FER: variants seen among roughly 807,000 people sequenced by gnomAD.
The protein encoded by FER is tyrosine-protein kinase Fer.
A neutral mutation model predicts 111.0 loss-of-function variants in FER; 63 were observed. The ratio of observed to expected loss-of-function variants is 0.57; its 90% CI spans 0.46 to 0.70. The LOEUF (loss-of-function observed/expected upper bound fraction) is 0.70, where lower values mean the gene tolerates loss of function less well. Among genes scored for constraint, FER ranks in the 30% least tolerant of loss-of-function variants. The pLI, the probability that FER is intolerant of heterozygous loss-of-function variation, is 0.00. For missense variants in FER, 914 were observed against 954.0 expected (o/e 0.96, Z 0.55); for synonymous variants, 327 against 313.9 (o/e 1.04, Z -0.44).
chr5:108,854,866 C>T (rs970238089), intron 5 of FER, among the ~76,000 whole-genome samples: 5 of 149,758 alleles, frequency 3.3e-5, no homozygotes, highest in Non-Finnish European at 1.5e-5. Context: ...ATTGCCTGAC[C>T]CAGGAGGCGG....
chr5:108,997,025 T>C (rs1764076470), intron 13 of FER, among the ~76,000 whole-genome samples: 2 of 152,148 alleles, frequency 1.3e-5, no homozygotes, highest in South Asian at 4.1e-4. Context: ...TTTGTAGCAA[T>C]TGTGAATGGG....
At chr5:108,899,155 C>T (rs971177307) in intron 10 of FER, among the ~76,000 whole-genome samples, 3 of 148,412 alleles carry the variant, frequency 2.0e-5, no homozygotes, top group South Asian at 2.1e-4. Context: ...AGTATTTAAA[C>T]AATTGTGGTT....
rs1238471898 is a variant in FER, at chr5:109,144,523, T to A, written c.2049-36224T>A. The stretch of plus-strand genomic sequence containing the variant: ...TTTCCAATTATCTATGTATATCAGA[T>A]GGTATCTACATACACCTATATCTGA... On this transcript the variant is annotated intron_variant, in intron 17 of 19. Transcript: ENST00000281092. Among the ~76,000 whole-genome samples, 3 of 152,188 alleles carry A rather than the reference T, an allele frequency of 2.0e-5. No homozygotes were observed. The East Asian group carries it at 5.8e-4, about 29-fold the overall frequency.
At chr5:109,043,431 G>T (rs1771469939) in intron 14 of FER, among the ~76,000 whole-genome samples, 1 of 152,064 alleles carries the variant, frequency 6.6e-6, no homozygotes, top group African/African-American at 2.4e-5. Flanking sequence ...ATTGATCATT[G>T]TTTTATAAAT....
chr5:109,072,083 T>G (rs1246033635), intron 16 of FER, among the ~76,000 whole-genome samples: 2 of 151,712 alleles, frequency 1.3e-5, no homozygotes, highest in Non-Finnish European at 2.9e-5. Flanking sequence ...AAGACCAAGA[T>G]TGTATATACA....
At chr5:108,787,461 T>C (rs1374756918) in intron 2 of FER, among the ~76,000 whole-genome samples, 1 of 152,102 alleles carries the variant, frequency 6.6e-6, no homozygotes, top group Non-Finnish European at 1.5e-5. Flanking sequence ...AAACTTTACC[T>C]CAGGCCAGCG....
At chr5:109,029,732 TTC>T (rs1561797678) in intron 13 of FER, among the ~76,000 whole-genome samples, 1 of 152,186 alleles carries the variant, frequency 6.6e-6, no homozygotes, top group Non-Finnish European at 1.5e-5. Flanking sequence ...GTAAAGTCAT[TTC>T]TCTCTGGCTG....
intron 17 of FER, among the ~76,000 whole-genome samples, chr5:109,170,857 C>A (rs1225824170): frequency 6.6e-6 from 1 of 152,138 alleles, no homozygotes; most frequent in Non-Finnish European, 1.5e-5. Context: ...CCATCTACCA[C>A]CTCTGTGAGG....
intron 5 of FER, among the ~76,000 whole-genome samples, chr5:108,843,759 C>A (rs143820493): frequency 0.057 from 8,650 of 151,954 alleles, 344 homozygotes; most frequent in Non-Finnish European, 0.082. Flanking sequence ...TGTCTCTTGA[C>A]CTCGTAATCC....
intron 16 of FER, among the ~76,000 whole-genome samples, chr5:109,058,132 AC>A (rs1349642714): frequency 1.3e-5 from 2 of 152,136 alleles, no homozygotes; most frequent in Non-Finnish European, 2.9e-5. Context: ...GCAGAAAAAA[AC>A]ATTTGGCAAA....
intron 5 of FER, among the ~76,000 whole-genome samples, chr5:108,865,710 A>T (rs573001340): frequency 7.3e-4 from 111 of 152,320 alleles, no homozygotes; most frequent in Non-Finnish European, 1.2e-3. Context: ...AATATCCAGA[A>T]TCTACAATGA....
intron 17 of FER, among the ~76,000 whole-genome samples, chr5:109,102,722 A>G (rs1748400997): frequency 6.6e-6 from 1 of 152,106 alleles, no homozygotes; most frequent in Non-Finnish European, 1.5e-5. Flanking sequence ...GATGAATTTT[A>G]TGATATCTCC....
chr5:108,994,633 C>A (rs1170271131), intron 13 of FER, among the ~76,000 whole-genome samples: 1 of 152,104 alleles, frequency 6.6e-6, no homozygotes, highest in Non-Finnish European at 1.5e-5. Flanking sequence ...GTAGTTTTTT[C>A]TAATTCTGTG....
At chr5:108,892,363 T>C (rs1748240965) in intron 9 of FER, among the ~76,000 whole-genome samples, 1 of 152,178 alleles carries the variant, frequency 6.6e-6, no homozygotes, top group Admixed American at 6.5e-5. Context: ...CCATTCTAAC[T>C]GGTGTGAGAT....
intron 13 of FER, among the ~76,000 whole-genome samples, chr5:109,003,904 C>G (rs901551558): frequency 6.6e-6 from 1 of 152,092 alleles, no homozygotes; most frequent in African/African-American, 2.4e-5. Flanking sequence ...CACTTAAGCC[C>G]AGGGGGTTGA....
chr5:109,005,556 T>C (rs1399756195), intron 13 of FER, among the ~76,000 whole-genome samples: 3 of 152,202 alleles, frequency 2.0e-5, no homozygotes, highest in Admixed American at 2.0e-4. Flanking sequence ...TACAAACATA[T>C]GCACATATAC....
At position 109,092,304 on chromosome 5, in the gene FER, A is replaced by AAAAAAT. The variant is rs1282385399; in HGVS notation, c.1925-8087_1925-8086insTAAAAA. 1.2e-3 allele frequency among the ~76,000 whole-genome samples: 175 copies of AAAAAAT among 148,346 alleles called. 1 individual carries two copies. Among genetic ancestry groups the AAAAAAT allele is most frequent in the Non-Finnish European group, 2.1e-3 (140 of 66,590 alleles). On this transcript the variant is annotated intron_variant, in intron 16 of 19. Coordinates refer to ENST00000281092, the MANE Select transcript of FER (RefSeq NM_005246.4). Reference sequence around the variant, plus strand: ...GATGGCAAAAAAAAAAAAAAAAAAAAAAAAAAACATCAGAGGGAAAAAGCA... The same window carrying AAAAAAT: ...GATGGCAAAAAAAAAAAAAAAAAAAAAAAAATAAAAAAACATCAGAGGGAAAAAGCA...
At chr5:109,117,535 C>T (rs1272224989) in intron 17 of FER, among the ~76,000 whole-genome samples, 1 of 152,106 alleles carries the variant, frequency 6.6e-6, no homozygotes, top group African/African-American at 2.4e-5. Context: ...GATCTCTTCC[C>T]TGGATAGTGA....
chr5:108,916,403 G>A (rs1415371207), intron 10 of FER, among the ~76,000 whole-genome samples: 1 of 152,078 alleles, frequency 6.6e-6, no homozygotes. Context: ...AAGATAAAAT[G>A]AAATGGGAAA....
Sources: allele counts gnomAD v4.1 joint callset (sites outside exome capture counted in the v4.1 genomes callset), GRCh38; gene constraint gnomAD v4.1.1; transcripts MANE v1.5; gene names NCBI Gene and HGNC (gene_info 2026-07-23, HGNC 2026-07-21).